Variants in USH2A observed in about 807,000 individuals in gnomAD.
The protein encoded by USH2A is Usher syndrome 2A (autosomal recessive, mild).
USH2A carries 443 observed loss-of-function variants against 538.9 expected under a neutral mutation model. That is an observed-to-expected ratio of 0.82 (90% confidence interval 0.76 to 0.89). The LOEUF (loss-of-function observed/expected upper bound fraction) is 0.89. Ranked by LOEUF, USH2A falls within the 40% of genes least tolerant of loss-of-function variation. USH2A has a pLI of 0.00. For missense variants in USH2A, 6,633 were observed against 6,324.8 expected (o/e 1.05, Z -1.65); for synonymous variants, 2,413 against 2,273.5 (o/e 1.06, Z -1.75).
intron 9 of USH2A, among the ~76,000 whole-genome samples, chr1:216,302,096 G>A (rs980594281): frequency 6.6e-6 from 1 of 152,166 alleles, no homozygotes; most frequent in Non-Finnish European, 1.5e-5. Context: ...CCATGGCAAA[G>A]GTAATGTTAG....
chr1:215,688,692 G>A (rs1367942891), intron 61 of USH2A, among the ~76,000 whole-genome samples: 1 of 152,112 alleles, frequency 6.6e-6, no homozygotes, highest in Non-Finnish European at 1.5e-5. Context: ...CATGCAGAGA[G>A]ATATCTCTGG....
chr1:216,399,760 C>T (rs372764810), intron 3 of USH2A, among the ~76,000 whole-genome samples: 5 of 152,064 alleles, frequency 3.3e-5, no homozygotes, highest in Admixed American at 6.5e-5. Context: ...CAGCAATAGG[C>T]GGCCCGCTTT....
chr1:216,196,412 A>G, intron 19 of USH2A, 141 bp downstream of exon 19: 2 of 825,300 alleles, frequency 2.4e-6, no homozygotes, highest in South Asian at 1.6e-5. Context: ...AGGCTTGTAC[A>G]CATAATATTA....
intron 22 of USH2A, among the ~76,000 whole-genome samples, chr1:216,094,421 T>G (rs952091208): frequency 2.6e-5 from 4 of 152,174 alleles, no homozygotes; most frequent in Non-Finnish European, 5.9e-5. Context: ...CACTCATCTT[T>G]CCTCTCCTTC....
At chr1:215,703,456 T>G (rs541326602) in intron 61 of USH2A, among the ~76,000 whole-genome samples, 1 of 151,618 alleles carries the variant, frequency 6.6e-6, no homozygotes, top group Non-Finnish European at 1.5e-5. Context: ...GAGATGGGAG[T>G]TTTTCTCTAA....
At chr1:216,165,519 A>G (rs1156990766) in intron 21 of USH2A, among the ~76,000 whole-genome samples, 3 of 152,312 alleles carry the variant, frequency 2.0e-5, no homozygotes, top group Non-Finnish European at 4.4e-5. Context: ...TCTAAGGCCA[A>G]TAGAGACTAA....
chr1:215,642,219 C>T (rs990365007), intron 67 of USH2A, among the ~76,000 whole-genome samples: 1 of 152,326 alleles, frequency 6.6e-6, no homozygotes, highest in East Asian at 1.9e-4. Flanking sequence ...AGTACCACTA[C>T]GCTCCTAGCT....
intron 64 of USH2A, among the ~76,000 whole-genome samples, chr1:215,664,245 G>C (rs948873572): frequency 2.0e-5 from 3 of 152,040 alleles, no homozygotes; most frequent in African/African-American, 7.3e-5. Context: ...AACTAAATAA[G>C]TTTATTATTT....
At chr1:216,200,239 T>A in intron 16 of USH2A, 118 bp from the exon 17 acceptor site, 1 of 1,057,504 alleles carries the variant, frequency 9.5e-7, no homozygotes. Context: ...TCTACTCTTT[T>A]GATTAAGGAT....
At chr1:216,417,686 A>G (rs1342849414) in intron 3 of USH2A, among the ~76,000 whole-genome samples, 3 of 152,062 alleles carry the variant, frequency 2.0e-5, no homozygotes, top group Non-Finnish European at 4.4e-5. Context: ...CCGTGATTGT[A>G]AGTTTTCTAA....
chr1:215,778,269 C>G (rs1270987474), intron 55 of USH2A, among the ~76,000 whole-genome samples: 1 of 152,104 alleles, frequency 6.6e-6, no homozygotes, highest in Non-Finnish European at 1.5e-5. Context: ...CCAGGCTGGT[C>G]TCGAACTCCT....
At chr1:216,236,066 C>T (rs7413858) in intron 13 of USH2A, among the ~76,000 whole-genome samples, 143,727 of 152,272 alleles carry the variant, frequency 0.94, 67,913 homozygotes, top group African/African-American at 0.98. Context: ...TATAAAATCA[C>T]GCTAAAATTA....
In USH2A at chr1:215,845,929, T is replaced by C; in HGVS notation, c.8950A>G (p.Ile2984Val). Residue 2984 changes from isoleucine (I) to valine (V), a missense_variant, in exon 45 of 72, where the codon ATT becomes GTT. Coordinates refer to ENST00000307340, the MANE Select transcript of USH2A (RefSeq NM_206933.4). ...KILPDVNSHV[I>V]GHLKPNTEYW... is the part of the protein sequence containing the mutation. The stretch of plus-strand genomic sequence containing the variant: ...TCTGTGTTTGGCTTTAGGTGGCCAA[T>C]GACATGAGAGTTTACATCTGGCAAG... 1 of 1,613,934 alleles carries C rather than the reference T, an allele frequency of 6.2e-7. No homozygotes were observed. The highest frequency in any genetic ancestry group is 8.5e-7 in the Non-Finnish European group (1 of 1,179,948).
chr1:216,238,333 C>T (rs866505504), intron 13 of USH2A, among the ~76,000 whole-genome samples: 12 of 152,096 alleles, frequency 7.9e-5, no homozygotes, highest in African/African-American at 2.9e-4. Flanking sequence ...GCTCGGGATG[C>T]GTTGACATCC....
At chr1:215,861,187 C>A (rs563104296) in intron 44 of USH2A, among the ~76,000 whole-genome samples, 1 of 152,338 alleles carries the variant, frequency 6.6e-6, no homozygotes, top group African/African-American at 2.4e-5. Flanking sequence ...ACTTTGGAAA[C>A]TCCAGAGCTA....
chr1:216,003,883 C>T (rs1461453562), intron 32 of USH2A, among the ~76,000 whole-genome samples: 1 of 152,144 alleles, frequency 6.6e-6, no homozygotes, highest in Non-Finnish European at 1.5e-5. Flanking sequence ...AAGAATACAT[C>T]TCACTGAAGA....
At chr1:215,821,582 G>A (rs1375163386) in intron 47 of USH2A, among the ~76,000 whole-genome samples, 1 of 151,730 alleles carries the variant, frequency 6.6e-6, no homozygotes, top group African/African-American at 2.4e-5. Flanking sequence ...TTTGTTGATT[G>A]TTTCCTTTGT....
intron 61 of USH2A, among the ~76,000 whole-genome samples, chr1:215,709,234 A>G (rs1349156063): frequency 6.6e-6 from 1 of 152,232 alleles, no homozygotes; most frequent in Admixed American, 6.5e-5. Context: ...GTAGTTGCTC[A>G]TAATAAAATA....
chr1:215,738,506 C>T (rs989615745), intron 60 of USH2A, among the ~76,000 whole-genome samples: 7 of 152,024 alleles, frequency 4.6e-5, no homozygotes, highest in African/African-American at 1.7e-4. Context: ...TTTAATAGGG[C>T]AGACGCTTTT....
Sources: allele counts gnomAD v4.1 joint callset (sites outside exome capture counted in the v4.1 genomes callset), GRCh38; gene constraint gnomAD v4.1.1; transcripts MANE v1.5; gene names NCBI Gene and HGNC (gene_info 2026-07-23, HGNC 2026-07-21).